Variants in ANK1 observed in about 807,000 individuals in gnomAD.
ANK1 encodes ankyrin-1.
In ANK1, 51 loss-of-function variants were observed where a neutral mutation model predicts 210.4. That is an observed-to-expected ratio of 0.24 (90% CI 0.19 to 0.31). The LOEUF is 0.31. ANK1 is among the 10% of genes least tolerant of loss of function. The probability of loss-of-function intolerance (pLI) is 1.00; values close to 1 mark genes in which losing one functional copy is unlikely to be tolerated. For synonymous variants in ANK1, 967 were observed against 1,025.9 expected, an observed-to-expected ratio of 0.94 and a Z score of 1.10; for missense variants, 2,051 against 2,504.4, an observed-to-expected ratio of 0.82 and a Z score of 3.86.
At chr8:41,865,972 G>GC (rs1265630458) in intron 1 of ANK1, among the ~76,000 whole-genome samples, 13 of 152,298 alleles carry the variant, frequency 8.5e-5, no homozygotes, top group Non-Finnish European at 1.8e-4. Context: ...GGTCTGCAGT[G>GC]CCCCTGCTAA....
chr8:41,801,859 T>A (rs924052283), upstream of ANK1, among the ~76,000 whole-genome samples: 4 of 152,260 alleles, frequency 2.6e-5, no homozygotes, highest in Non-Finnish European at 5.9e-5. Context: ...ATATGGGTTT[T>A]AATGTGTCAA....
intron 1 of ANK1, among the ~76,000 whole-genome samples, chr8:41,814,277 G>A (rs1007256742): frequency 7.3e-5 from 11 of 151,420 alleles, no homozygotes; most frequent in African/African-American, 2.2e-4. Flanking sequence ...GGAGAATGGC[G>A]TGAACCCAGG....
chr8:41,752,732 T>C (rs1838014949), intron 2 of ANK1, among the ~76,000 whole-genome samples: 1 of 150,474 alleles, frequency 6.6e-6, no homozygotes, highest in South Asian at 2.1e-4. Flanking sequence ...CTTTGCTCCA[T>C]CTCCACAGCC....
chr8:41,896,538 G>A, exon 1 of ANK1: 2 of 1,533,586 alleles, frequency 1.3e-6, no homozygotes, highest in Non-Finnish European at 1.8e-6. Context: ...AGCGATCCCC[G>A]AGGCGACACC....
chr8:41,677,211 G>A (rs1340589912), intron 37 of ANK1, among the ~76,000 whole-genome samples: 1 of 151,962 alleles, frequency 6.6e-6, no homozygotes, highest in Non-Finnish European at 1.5e-5. Context: ...CCTTATTCCT[G>A]ATATTGGTAA....
At position 41,672,811 on chromosome 8, in the gene ANK1, G is replaced by T; in HGVS notation, c.4639C>A (p.Leu1547Ile). The change falls in exon 38 of 43, where the codon CTA (leucine) becomes ATA (isoleucine). Residue 1547 changes from leucine to isoleucine, a missense_variant. By Grantham distance (5) the Leu-to-Ile change is conservative (BLOSUM62 2). Coordinates refer to ENST00000289734, the MANE Select transcript of ANK1 (RefSeq NM_000037.4). ...GTGGCCGCCAAGGGGATGGCGTCTA[G>T]GACGGCCACCTCATTCCAGTACTGG... ...ADQYWNEVAV[L>I]DAIPLAATEH... The T allele has an allele frequency of 6.2e-7, 1 of 1,608,558 alleles. No homozygotes were observed. Among genetic ancestry groups the T allele is most frequent in the Non-Finnish European group, 8.5e-7 (1 of 1,176,454 alleles).
At chr8:41,733,023 C>A (rs937705847) in intron 3 of ANK1, among the ~76,000 whole-genome samples, 4 of 152,244 alleles carry the variant, frequency 2.6e-5, no homozygotes, top group African/African-American at 9.6e-5. Context: ...CAGGCGTGAG[C>A]CACCGCGCCC....
chr8:41,692,625 G>C (rs749451462), intron 31 of ANK1, 23 bp downstream of exon 31: 3 of 1,601,884 alleles, frequency 1.9e-6, no homozygotes, highest in Non-Finnish European at 2.6e-6. Flanking sequence ...TCCCAGAGGC[G>C]GTGCAGGGCC....
chr8:41,659,078 A>G (rs1283729107), intron 42 of ANK1, among the ~76,000 whole-genome samples: 1 of 152,190 alleles, frequency 6.6e-6, no homozygotes, highest in African/African-American at 2.4e-5. Context: ...TTCTGTTTCA[A>G]GACGCCTTAT....
rs184006495 is a variant in ANK1, at chr8:41,717,679, C to G, written c.1230G>C (p.Val410=). 9 of 1,551,676 alleles carry G rather than the reference C, an allele frequency of 5.8e-6. No homozygotes were observed. The East Asian group carries it at 2.2e-4, about 38-fold the overall frequency. Residue 410 remains valine, a synonymous_variant, in exon 12 of 43, where the codon GTG becomes GTC. Transcript: ENST00000289734. ...VTESGLTPLH[V]ASFMGHLPIV... ...TGGGAAGGTGCCCCATGAAGGAGGC[C>G]ACGTGGAGAGGTGTCAGGCCAGACT...
intron 1 of ANK1, among the ~76,000 whole-genome samples, chr8:41,822,831 T>C (rs545058563): frequency 6.6e-6 from 1 of 152,336 alleles, no homozygotes; most frequent in Admixed American, 6.5e-5. Flanking sequence ...AGGCTGGATT[T>C]GCACCCCTGT....
chr8:41,661,103 TG>T lies in ANK1; in HGVS notation c.*36+326del, dbSNP rs1468633072. 7.9e-6 allele frequency: 3 copies of T among 378,956 alleles called. No individual in the cohort carries two copies. In the East Asian group the frequency reaches 1.9e-4, roughly 24 times the overall value. The allele number at this position is 378,956 out of a possible 1,614,324, so 23.5% of individuals were successfully genotyped here. A position where few individuals can be genotyped will look rare whatever the true frequency, so the allele number is the denominator to read the frequency against. On this transcript the variant is annotated intron_variant, in intron 42 of 42. Coordinates refer to ENST00000289734, the MANE Select transcript of ANK1 (RefSeq NM_000037.4). ...GTTGCCCAGGCTGGTCTTGAACTCC[TG>T]GCCTAAAGCAATCCTTTTGCCTCGA... is the stretch of plus-strand genomic sequence containing the variant.
In ANK1 at chr8:41,841,381, T is replaced by A. The variant is rs76311178; in HGVS notation, c.126+54974A>T. On this transcript the variant is annotated intron_variant, in intron 1 of 42. Coordinates refer to the ANK1 transcript ENST00000265709. ...AGAATGGTGGTTGCCAGGGGCTGAG[T>A]GAGGGAGAGCTGGGGATTTGCTGCT... 1.0e-3 allele frequency among the ~76,000 whole-genome samples: 159 copies of A among 152,066 alleles called. 2 individuals carry two copies. In the East Asian group the frequency reaches 0.028, roughly 27 times the overall value.
At chr8:41,753,387 C>T (rs1052487705) in intron 2 of ANK1, among the ~76,000 whole-genome samples, 1 of 152,050 alleles carries the variant, frequency 6.6e-6, no homozygotes, top group African/African-American at 2.4e-5. Context: ...CTTAAGTACC[C>T]CATCCCTGCT....
intron 16 of ANK1, among the ~76,000 whole-genome samples, chr8:41,711,591 C>T (rs927096949): frequency 3.3e-5 from 5 of 152,236 alleles, no homozygotes; most frequent in Non-Finnish European, 7.3e-5. Flanking sequence ...CAACTTCATG[C>T]TTTTCTGCTG....
At chr8:41,692,346 T>C (rs944028288) in intron 31 of ANK1, among the ~76,000 whole-genome samples, 1 of 152,230 alleles carries the variant, frequency 6.6e-6, no homozygotes, top group Non-Finnish European at 1.5e-5. Context: ...CGTGAGCCAC[T>C]GCGCCCGGCA....
chr8:41,803,078 A>AGGAAGGGAAG (rs1850323791), intron 1 of ANK1, among the ~76,000 whole-genome samples: 5 of 75,002 alleles, frequency 6.7e-5, no homozygotes, highest in African/African-American at 2.3e-4. Flanking sequence ...GAAGGAAGGA[A>AGGAAGGGAAG]GGAAGGGAAG....
At position 41,692,689 on chromosome 8, in the gene ANK1, G is replaced by C; in HGVS notation, c.3817C>G (p.His1273Asp). ...DDKVDKTLEQ[H>D]ENFVEVARSR... ...CGGGCCACCTCCACGAAGTTCTCAT[G>C]CTGCTCCAGGGTCTTGTCCACTTTA... is the stretch of plus-strand genomic sequence containing the variant. The change falls in exon 31 of 43, where the codon CAT (histidine) becomes GAT (aspartate). Residue 1273 changes from histidine to aspartate, a missense_variant. By Grantham distance (81) the His-to-Asp change is moderately conservative. Around this residue, in one of 6 missense-constraint regions of ANK1, gnomAD observed 1,413 missense variants for 1,707.4 expected, o/e 0.83. Coordinates refer to ENST00000289734, the MANE Select transcript of ANK1 (RefSeq NM_000037.4). 1 of 1,614,024 alleles carries C rather than the reference G, an allele frequency of 6.2e-7. No homozygotes were observed. The highest frequency in any genetic ancestry group is 8.5e-7 in the Non-Finnish European group (1 of 1,180,030).
intron 1 of ANK1, among the ~76,000 whole-genome samples, chr8:41,816,372 T>G (rs989390197): frequency 6.6e-6 from 1 of 152,208 alleles, no homozygotes; most frequent in African/African-American, 2.4e-5. Context: ...GAGATGAAAA[T>G]TTGGTTGCAT....
Sources: gnomAD v4.1 joint callset for allele counts (sites outside exome capture counted in the v4.1 genomes callset) on GRCh38, gnomAD v4.1.1 for gene constraint, gnomAD v4.1.1 regional missense constraint, MANE v1.5 for transcripts, NCBI Gene and HGNC (gene_info 2026-07-23, HGNC 2026-07-21) for gene names.